Variants in CEMIP2 observed in about 807,000 individuals in gnomAD.
The protein encoded by CEMIP2 is cell migration inducing hyaluronidase 2, also known as cell surface hyaluronidase CEMIP2.
In CEMIP2, 79 loss-of-function variants were observed where a neutral mutation model predicts 146.9. The observed-to-expected ratio is 0.54, with a 90% CI of 0.45 to 0.65. CEMIP2 has a LOEUF of 0.65. CEMIP2 is among the 30% of genes least tolerant of loss of function. The probability of loss-of-function intolerance (pLI) is 0.00; values close to 1 mark genes in which losing one functional copy is unlikely to be tolerated. For synonymous variants in CEMIP2, 601 were observed against 606.3 expected (o/e 0.99, Z 0.13); for missense variants, 1,596 against 1,696.2 (o/e 0.94, Z 1.04).
intron 22 of CEMIP2, among the ~76,000 whole-genome samples, chr9:71,689,646 C>T (rs774501531): frequency 7.2e-5 from 11 of 152,264 alleles, no homozygotes; most frequent in South Asian, 2.1e-4. Context: ...ACCGTCAGTG[C>T]GACAGAGGGT....
At chr9:71,735,282 C>T (rs113584850) in intron 5 of CEMIP2, among the ~76,000 whole-genome samples, 5 of 152,118 alleles carry the variant, frequency 3.3e-5, no homozygotes, top group African/African-American at 1.2e-4. Context: ...TTGAAGAAGG[C>T]TCTAGATCCC....
chr9:71,711,600 A>G (rs572567742), intron 16 of CEMIP2, among the ~76,000 whole-genome samples: 24 of 152,058 alleles, frequency 1.6e-4, no homozygotes, highest in Admixed American at 1.6e-3. Flanking sequence ...CAAAGAAAAA[A>G]AAAAAGAAAA....
chr9:71,756,286 C>CTA (rs892046477), intron 1 of CEMIP2, among the ~76,000 whole-genome samples: 8 of 142,030 alleles, frequency 5.6e-5, no homozygotes, highest in East Asian at 4.1e-4. Context: ...ATGTATATAC[C>CTA]TATATATATA....
Position 71,704,076 on chromosome 9 carries a change from T to C in CEMIP2, c.3194+519A>G, listed in dbSNP as rs576273795. ...TAAAAATAGCCCCTTGGATTGCCTGTGATTAGAACAGACAACTGAGAAATC... is the reference window on the plus strand; with the variant it reads ...TAAAAATAGCCCCTTGGATTGCCTGCGATTAGAACAGACAACTGAGAAATC... On this transcript the variant is annotated intron_variant, in intron 18 of 23. Coordinates refer to ENST00000377044, the MANE Select transcript of CEMIP2 (RefSeq NM_013390.3). Among the ~76,000 whole-genome samples the C allele has an allele frequency of 2.6e-5, 4 of 152,330 alleles. No individual in the cohort carries two copies. The East Asian group carries it at 7.7e-4, about 29-fold the overall frequency.
intron 20 of CEMIP2, 47 bp downstream of exon 20, chr9:71,697,936 CCT>C (rs1822446306): frequency 5.7e-6 from 9 of 1,572,466 alleles, no homozygotes; most frequent in African/African-American, 1.4e-5. Flanking sequence ...GCAAAGAAAC[CCT>C]CTGACTTTTT....
chr9:71,746,423 G>A (rs536414473), intron 2 of CEMIP2, 82 bp from the exon 3 acceptor site: 5 of 1,512,622 alleles, frequency 3.3e-6, no homozygotes, highest in African/African-American at 2.8e-5. Flanking sequence ...ATTATTTACT[G>A]CAGATCTGCA....
chr9:71,698,490 A>G (rs1179879815), intron 19 of CEMIP2, among the ~76,000 whole-genome samples: 2 of 152,222 alleles, frequency 1.3e-5, no homozygotes, highest in Non-Finnish European at 2.9e-5. Context: ...ATTTGGGGGG[A>G]TGAAATTTGG....
At chr9:71,709,537 G>C in intron 16 of CEMIP2, 63 bp from the exon 17 acceptor site, 1 of 1,369,418 alleles carries the variant, frequency 7.3e-7, no homozygotes, top group Non-Finnish European at 1.0e-6. Context: ...AGCATCCCCT[G>C]CAATGACTCA....
intron 10 of CEMIP2, among the ~76,000 whole-genome samples, chr9:71,728,293 A>ATATATATG (rs1823499019): frequency 5.1e-5 from 2 of 39,562 alleles, no homozygotes; most frequent in African/African-American, 1.9e-4. Flanking sequence ...ATATATATAT[A>ATATATATG]TATATATACA....
chr9:71,685,654 A>T, intron 23 of CEMIP2, 89 bp downstream of exon 23: 3 of 1,105,970 alleles, frequency 2.7e-6, no homozygotes, highest in Non-Finnish European at 2.7e-6. Context: ...AAACAAGCTC[A>T]TGAAAATGGT....
At chr9:71,749,076 A>T (rs537071354) in intron 2 of CEMIP2, among the ~76,000 whole-genome samples, 5 of 152,338 alleles carry the variant, frequency 3.3e-5, no homozygotes, top group African/African-American at 1.2e-4. Flanking sequence ...TTGGTATTCC[A>T]ATAAGGCTGA....
intron 1 of CEMIP2, 33 bp from the exon 2 acceptor site, chr9:71,750,418 T>C (rs751784691): frequency 1.4e-6 from 2 of 1,421,658 alleles, no homozygotes; most frequent in African/African-American, 2.9e-5. Context: ...AGCTTCAGTA[T>C]GTGTAAATTC....
chr9:71,750,012 A>G lies in CEMIP2; in HGVS notation c.331+31T>C, dbSNP rs373336538. The G allele has an allele frequency of 2.0e-5, 31 of 1,532,152 alleles. No individual in the cohort carries two copies. The African/African-American group carries it at 3.9e-4, about 19-fold the overall frequency. 94.9% of individuals were successfully genotyped at this position (1,532,152 alleles called of 1,614,324 possible). ...ATTTCCTCCTCTTTTGTCTTCTAGA[A>G]TATGTTCTATGTGCATATACACACA... On this transcript the variant is annotated intron_variant, in intron 2 of 23. Transcript: ENST00000377044.
At chr9:71,747,006 T>C (rs746226038) in intron 2 of CEMIP2, among the ~76,000 whole-genome samples, 5 of 152,236 alleles carry the variant, frequency 3.3e-5, no homozygotes, top group Non-Finnish European at 5.9e-5. Flanking sequence ...TTTCCCCTTT[T>C]AGAAAATGAG....
At chr9:71,746,738 TAAATCAA>T (rs1240266180) in intron 2 of CEMIP2, among the ~76,000 whole-genome samples, 3 of 152,052 alleles carry the variant, frequency 2.0e-5, no homozygotes, top group Non-Finnish European at 4.4e-5. Context: ...AACATCCTGG[TAAATCAA>T]AAATGAAAAT....
intron 1 of CEMIP2, among the ~76,000 whole-genome samples, chr9:71,756,325 A>G (rs1057116472): frequency 1.3e-5 from 2 of 149,670 alleles, no homozygotes; most frequent in South Asian, 4.2e-4. Context: ...GTGCGTGTGT[A>G]TGTGTGTGTG....
At chr9:71,760,671 A>C (rs968398521) in intron 1 of CEMIP2, among the ~76,000 whole-genome samples, 3 of 143,732 alleles carry the variant, frequency 2.1e-5, no homozygotes, top group African/African-American at 7.3e-5. Flanking sequence ...CTGCAGACCT[A>C]CTACAGACCA....
intron 1 of CEMIP2, among the ~76,000 whole-genome samples, chr9:71,756,500 T>TCA (rs1340015248): frequency 1.1e-4 from 15 of 137,908 alleles, no homozygotes; most frequent in Non-Finnish European, 1.6e-4. Flanking sequence ...TCTCTCTCTC[T>TCA]CTCTCTCACA....
chr9:71,730,257 C>CAGAAATAAAAGT lies in CEMIP2; in HGVS notation c.1774-16_1774-5dup, dbSNP rs1823577720. 1.2e-6 allele frequency: 2 copies of CAGAAATAAAAGT among 1,612,380 alleles called. No homozygotes were observed. Among genetic ancestry groups the CAGAAATAAAAGT allele is most frequent in the Non-Finnish European group, 1.7e-6 (2 of 1,178,718 alleles). The stretch of plus-strand genomic sequence containing the variant: ...CAAACCCAATGGTGTCTTTTATCTG[C>CAGAAATAAAAGT]AGAAATAAAAGTATATTAATGTCAT... On this transcript the variant is annotated splice_region_variant and splice_polypyrimidine_tract_variant and intron_variant, in intron 8 of 23. Transcript: ENST00000377044.
Sources: allele counts gnomAD v4.1 joint callset (sites outside exome capture counted in the v4.1 genomes callset), GRCh38; gene constraint gnomAD v4.1.1; transcripts MANE v1.5; gene names NCBI Gene and HGNC (gene_info 2026-07-23, HGNC 2026-07-21).